Variants in ITPR2 observed in about 807,000 individuals in gnomAD.
The protein encoded by ITPR2 is inositol 1,4,5-trisphosphate-gated calcium channel ITPR2.
ITPR2 carries 207 observed loss-of-function variants against 317.1 expected under a neutral mutation model. The ratio of observed to expected loss-of-function variants is 0.65; its 90% CI spans 0.58 to 0.73. The LOEUF is 0.73. ITPR2 is among the 30% of genes least tolerant of loss of function. ITPR2 has a pLI of 0.00. For synonymous variants in ITPR2, 1,156 were observed against 1,149.1 expected (o/e 1.01, Z -0.12); for missense variants, 2,613 against 3,284.0 (o/e 0.80, Z 4.99).
intron 41 of ITPR2, 38 bp downstream of exon 41, chr12:26,486,066 G>C: frequency 6.2e-7 from 1 of 1,605,342 alleles, no homozygotes; most frequent in Non-Finnish European, 8.5e-7. Flanking sequence ...ATAAACATAG[G>C]TTGTATTCTC....
chr12:26,567,954 A>ATATATATATATATTATATATAT (rs1565609304), intron 34 of ITPR2, among the ~76,000 whole-genome samples: 10 of 9,292 alleles, frequency 1.1e-3, no homozygotes, highest in African/African-American at 2.1e-3. Flanking sequence ...TATATATTAT[A>ATATATATATATATTATATATAT]TATATATATA....
Position 26,832,969 on chromosome 12 carries a change from A to G in ITPR2, c.-188T>C, listed in dbSNP as rs1951143209. ...CGTGCGTGCGCGCCGGGGAAGCCAGACCGGGGCCAAGCCGCAGCTGCGGAC... is the reference window on the plus strand; with the variant it reads ...CGTGCGTGCGCGCCGGGGAAGCCAGGCCGGGGCCAAGCCGCAGCTGCGGAC... On this transcript the variant is annotated 5_prime_UTR_variant, in exon 1 of 57. Transcript: ENST00000381340. The G allele has an allele frequency of 1.8e-6, 1 of 541,564 alleles. No homozygotes were observed. The highest frequency in any genetic ancestry group is 4.2e-5 in the Admixed American group (1 of 23,598). The allele number at this position is 541,564 out of a possible 1,614,324, so 33.5% of individuals were successfully genotyped here.
At chr12:26,343,849 G>T (rs1481947768) in intron 55 of ITPR2, among the ~76,000 whole-genome samples, 3 of 152,170 alleles carry the variant, frequency 2.0e-5, no homozygotes, top group East Asian at 1.9e-4. Flanking sequence ...TACAGACAGG[G>T]TGAGAAAATA....
chr12:26,596,698 C>A (rs1241342997), intron 31 of ITPR2, among the ~76,000 whole-genome samples, 185 bp downstream of exon 31: 2 of 147,826 alleles, frequency 1.4e-5, no homozygotes, highest in African/African-American at 5.0e-5. Flanking sequence ...TCTTATAGAA[C>A]TTCTTATTAA....
In ITPR2 at chr12:26,428,018, G is replaced by T. The variant is rs762839208; in HGVS notation, c.6840C>A (p.Phe2280Leu). 3.7e-6 allele frequency: 6 copies of T among 1,612,890 alleles called. No individual in the cohort carries two copies. Among genetic ancestry groups the T allele is most frequent in the Non-Finnish European group, 5.1e-6 (6 of 1,179,368 alleles). Residue 2280 changes from phenylalanine to leucine, a missense_variant, in exon 49 of 57, where the codon TTC becomes TTA. Physicochemically the swap from Phe to Leu is conservative, Grantham distance 22. Coordinates refer to ENST00000381340, the MANE Select transcript of ITPR2 (RefSeq NM_002223.4). ...GCCGAATACCCACAGGCTTGGAGAA[G>T]AAAAACAGCATAGATGTGCAGATCG... ...AVAICTSMLF[F>L]FSKPVGIRPF...
Position 26,630,290 on chromosome 12 carries a change from C to T in ITPR2, c.2934+1576G>A, listed in dbSNP as rs144414113. On this transcript the variant is annotated intron_variant, in intron 22 of 56. Transcript: ENST00000381340. Reference sequence around the variant, plus strand: ...CTTTCATTTCTCTAATACGCCTAATCAGGAAAAACAAGTGGAAAGTAGAAA... The same window carrying T: ...CTTTCATTTCTCTAATACGCCTAATTAGGAAAAACAAGTGGAAAGTAGAAA... 4.4e-4 allele frequency among the ~76,000 whole-genome samples: 66 copies of T among 150,812 alleles called. No individual in the cohort carries two copies. In the East Asian group the frequency reaches 0.011, roughly 25 times the overall value.
At chr12:26,592,872 T>C (rs989787801) in intron 32 of ITPR2, among the ~76,000 whole-genome samples, 1 of 152,230 alleles carries the variant, frequency 6.6e-6, no homozygotes, top group Non-Finnish European at 1.5e-5. Flanking sequence ...TTTTTCCCTA[T>C]GCTGAATGGT....
At chr12:26,613,495 T>C (rs570351721) in intron 26 of ITPR2, among the ~76,000 whole-genome samples, 6 of 152,130 alleles carry the variant, frequency 3.9e-5, no homozygotes, top group Admixed American at 2.6e-4. Flanking sequence ...ACTAGACTCA[T>C]TGTTGGCTCT....
intron 31 of ITPR2, among the ~76,000 whole-genome samples, chr12:26,595,831 A>G (rs1308069033): frequency 1.3e-5 from 2 of 152,208 alleles, no homozygotes; most frequent in African/African-American, 4.8e-5. Flanking sequence ...AAAGAACTTT[A>G]TGCAAAACAA....
intron 32 of ITPR2, among the ~76,000 whole-genome samples, chr12:26,591,314 C>T (rs1409970328): frequency 1.3e-5 from 2 of 152,004 alleles, no homozygotes; most frequent in Non-Finnish European, 2.9e-5. Context: ...ATACAAATGG[C>T]AAACAGGTAT....
intron 1 of ITPR2, among the ~76,000 whole-genome samples, chr12:26,813,147 A>G (rs1950786448): frequency 6.6e-6 from 1 of 152,208 alleles, no homozygotes; most frequent in African/African-American, 2.4e-5. Flanking sequence ...AAAATAAATT[A>G]TATTTGTTTT....
chr12:26,436,063 CCA>C (rs1051923858), intron 48 of ITPR2, among the ~76,000 whole-genome samples, 156 bp downstream of exon 48: 2 of 152,110 alleles, frequency 1.3e-5, no homozygotes, highest in African/African-American at 4.8e-5. Context: ...GTTCTGTTGA[CCA>C]CACTTTTCTG....
chr12:26,758,852 C>T (rs1430478380), intron 2 of ITPR2, among the ~76,000 whole-genome samples: 5 of 152,126 alleles, frequency 3.3e-5, no homozygotes, highest in Non-Finnish European at 5.9e-5. Context: ...TCTTAATTGC[C>T]AAAGGAAATA....
chr12:26,753,232 G>C (rs910290865), intron 2 of ITPR2, among the ~76,000 whole-genome samples: 3 of 152,098 alleles, frequency 2.0e-5, no homozygotes, highest in African/African-American at 7.2e-5. Flanking sequence ...TAAGACTTAG[G>C]GGGTTAAAGG....
In ITPR2 at chr12:26,628,077, G is replaced by A. The variant is rs535598972; in HGVS notation, c.3020C>T (p.Ala1007Val). The change falls in exon 23 of 57, where the codon GCG becomes GTG. Residue 1007 changes from alanine to valine, a missense_variant. Around this residue, in one of 9 missense-constraint regions of ITPR2, gnomAD observed 817 missense variants for 897.6 expected, o/e 0.91. Coordinates refer to ENST00000381340, the MANE Select transcript of ITPR2 (RefSeq NM_002223.4). ...TGGAGATCCACTGGCAGATGTCTCC[G>A]CATTGTCATTGTCCTCTCCAAACTC... ...KKEFGEDNDN[A>V]ETSASGSPDT... is the part of the protein sequence containing the mutation. 64 of 1,612,956 alleles carry A rather than the reference G, an allele frequency of 4.0e-5. No individual in the cohort carries two copies. Among genetic ancestry groups the A allele is most frequent in the Admixed American group, 5.0e-5 (3 of 59,954 alleles).
chr12:26,555,794 CT>C (rs1399754439), intron 36 of ITPR2, among the ~76,000 whole-genome samples: 1 of 152,170 alleles, frequency 6.6e-6, no homozygotes, highest in Non-Finnish European at 1.5e-5. Flanking sequence ...CTCCCAGTCT[CT>C]GGGTGTTTAT....
At chr12:26,593,057 T>C (rs1482824285) in intron 32 of ITPR2, among the ~76,000 whole-genome samples, 1 of 152,186 alleles carries the variant, frequency 6.6e-6, no homozygotes, top group Non-Finnish European at 1.5e-5. Context: ...GGTTAAGTAC[T>C]TTGCCCAAGA....
At chr12:26,410,849 C>T (rs112641436) in intron 52 of ITPR2, among the ~76,000 whole-genome samples, 69 of 152,310 alleles carry the variant, frequency 4.5e-4, no homozygotes, top group African/African-American at 1.6e-3. Flanking sequence ...TTCTCATTCT[C>T]TCTCTAGAGA....
chr12:26,664,550 G>C (rs1420441217), intron 14 of ITPR2, among the ~76,000 whole-genome samples: 1 of 152,166 alleles, frequency 6.6e-6, no homozygotes, highest in Non-Finnish European at 1.5e-5. Context: ...CTGCTAGAAT[G>C]AGGAAATTGT....
Sources: gnomAD v4.1 joint callset for allele counts (sites outside exome capture counted in the v4.1 genomes callset) on GRCh38, gnomAD v4.1.1 for gene constraint, gnomAD v4.1.1 regional missense constraint, MANE v1.5 for transcripts, NCBI Gene and HGNC (gene_info 2026-07-23, HGNC 2026-07-21) for gene names.